The following CNGA1 variants were observed in gnomAD, a reference collection of about 807,000 sequenced individuals.
CNGA1 encodes cyclic nucleotide gated channel subunit alpha 1.
In CNGA1, 53 loss-of-function variants were observed where a neutral mutation model predicts 69.7. The ratio of observed to expected loss-of-function variants is 0.76; its 90% CI spans 0.61 to 0.96. CNGA1 has a LOEUF of 0.96. Among genes scored for constraint, CNGA1 ranks in the 40% least tolerant of loss-of-function variants. The pLI is 0.00. For synonymous variants in CNGA1, 249 were observed against 283.5 expected (o/e 0.88, Z 1.22); for missense variants, 739 against 811.2 (o/e 0.91, Z 1.08).
At chr4:47,968,325 GT>G (rs1429335011) in intron 3 of CNGA1, among the ~76,000 whole-genome samples, 4 of 152,028 alleles carry the variant, frequency 2.6e-5, no homozygotes, top group African/African-American at 7.3e-5. Flanking sequence ...TTCTAGGGGA[GT>G]TTTTTTTAAT....
rs537686092 is a variant in CNGA1, at chr4:47,960,271, C to T, written c.-14-7568G>A. The stretch of plus-strand genomic sequence containing the variant: ...TAAAAGACCAACACCCCAAATGTCA[C>T]GCATGTCACTGGTGGGACAAAAGAT... On this transcript the variant is annotated intron_variant, in intron 3 of 10. Coordinates refer to ENST00000514170, the MANE Select transcript of CNGA1 (RefSeq NM_001379270.1). 3.3e-5 allele frequency among the ~76,000 whole-genome samples: 5 copies of T among 152,322 alleles called. No homozygotes were observed. In the East Asian group the frequency reaches 5.8e-4, roughly 18 times the overall value.
intron 2 of CNGA1, among the ~76,000 whole-genome samples, chr4:47,995,018 G>T (rs1482776778): frequency 2.0e-5 from 3 of 152,166 alleles, no homozygotes; most frequent in African/African-American, 2.4e-5. Context: ...ATCCCTTCTA[G>T]CTTGTACAGT....
intron 2 of CNGA1, among the ~76,000 whole-genome samples, chr4:47,995,191 TC>T (rs144193978): frequency 0.53 from 79,764 of 151,860 alleles, 22,969 homozygotes; most frequent in Non-Finnish European, 0.64. Context: ...TCCTAGGTGT[TC>T]TTTGTGCTTC....
At chr4:48,008,553 A>G (rs1267833305) in intron 2 of CNGA1, among the ~76,000 whole-genome samples, 36 of 152,218 alleles carry the variant, frequency 2.4e-4, no homozygotes, top group Admixed American at 2.4e-3. Flanking sequence ...AAATAATGAA[A>G]TATTTTAGTA....
intron 1 of CNGA1, among the ~76,000 whole-genome samples, 191 bp downstream of exon 1, chr4:48,016,292 C>T (rs1327066187): frequency 6.6e-6 from 1 of 152,114 alleles, no homozygotes; most frequent in African/African-American, 2.4e-5. Flanking sequence ...TGCTCAGCAG[C>T]CCCCAAAATA....
intron 1 of CNGA1, among the ~76,000 whole-genome samples, chr4:48,012,372 G>GA (rs1204362523): frequency 6.6e-6 from 1 of 151,538 alleles, no homozygotes; most frequent in African/African-American, 2.4e-5. Flanking sequence ...GTTTTGGTAG[G>GA]AAAAAAAACA....
At chr4:47,983,688 C>G (rs1424635817) in intron 2 of CNGA1, among the ~76,000 whole-genome samples, 1 of 152,156 alleles carries the variant, frequency 6.6e-6, no homozygotes, top group Non-Finnish European at 1.5e-5. Flanking sequence ...AAGTCTATCT[C>G]TATGAAATTA....
chr4:47,986,904 T>C (rs926892094), intron 2 of CNGA1, among the ~76,000 whole-genome samples: 1 of 152,184 alleles, frequency 6.6e-6, no homozygotes, highest in African/African-American at 2.4e-5. Flanking sequence ...AGTTGGAATT[T>C]CATGTGCATA....
rs529390614 is a variant in CNGA1 at position 47,959,333 on chromosome 4, A to T, written c.-14-6630T>A. ...GACCACCAAAAATATATCAGATTTAATTAGTCCCACTAATTCCATGTTCAC... is the reference window on the plus strand; with the variant it reads ...GACCACCAAAAATATATCAGATTTATTTAGTCCCACTAATTCCATGTTCAC... On this transcript the variant is annotated intron_variant, in intron 3 of 10. Coordinates refer to ENST00000514170, the MANE Select transcript of CNGA1 (RefSeq NM_001379270.1). 1.1e-3 allele frequency among the ~76,000 whole-genome samples: 167 copies of T among 152,350 alleles called. 1 individual carries two copies. Among genetic ancestry groups the T allele is most frequent in the African/African-American group, 3.9e-3 (161 of 41,594 alleles).
At chr4:47,971,369 A>G (rs1172417862) in intron 3 of CNGA1, among the ~76,000 whole-genome samples, 2 of 152,078 alleles carry the variant, frequency 1.3e-5, no homozygotes, top group African/African-American at 2.4e-5. Flanking sequence ...ATGTAAATTA[A>G]TTACTTAGTG....
At chr4:47,993,486 A>G (rs1742363167) in intron 2 of CNGA1, among the ~76,000 whole-genome samples, 1 of 152,164 alleles carries the variant, frequency 6.6e-6, no homozygotes, top group South Asian at 2.1e-4. Flanking sequence ...AGGCGTTCAT[A>G]GTAGCCTCGA....
chr4:47,980,501 G>GTC (rs112426533), intron 3 of CNGA1, among the ~76,000 whole-genome samples: 42 of 126,784 alleles, frequency 3.3e-4, no homozygotes, highest in African/African-American at 9.6e-4. Context: ...TTGATACAGC[G>GTC]TCTCTCTCTT....
Position 48,016,522 on chromosome 4 carries a change from T to A in CNGA1, c.-262A>T. ...CGCTCCGAGAGACGCTGTTGCTCTA[T>A]GAGGCGTGTCTGTGTTTCTCTAGTT... On this transcript the variant is annotated 5_prime_UTR_variant, in exon 1 of 11. Transcript: ENST00000514170. 2.3e-6 allele frequency: 1 copy of A among 427,692 alleles called. No individual in the cohort carries two copies. The highest frequency in any genetic ancestry group is 4.4e-5 in the East Asian group (1 of 22,620). 26.5% of individuals were successfully genotyped at this position (427,692 alleles called of 1,614,324 possible).
At position 47,936,976 on chromosome 4, in the gene CNGA1, A is replaced by T. The variant is rs1160651707; in HGVS notation, c.1506T>A (p.Ile502=). The change falls in exon 11 of 11, where the codon ATT becomes ATA. Residue 502 remains isoleucine (I), a synonymous_variant. Coordinates refer to ENST00000514170, the MANE Select transcript of CNGA1 (RefSeq NM_001379270.1). The part of the protein sequence containing the change: ...QPQVYSPGDY[I]CKKGDIGREM... ...CTCGTCCGATATCCCCTTTCTTGCA[A>T]ATATAATCTCCAGGACTGTAGACTT... is the stretch of plus-strand genomic sequence containing the variant. 6.2e-7 allele frequency: 1 copy of T among 1,613,894 alleles called. No individual in the cohort carries two copies. The highest frequency in any genetic ancestry group is 2.2e-5 in the East Asian group (1 of 44,880).
At chr4:47,948,865 A>G (rs1739578635) in intron 6 of CNGA1, among the ~76,000 whole-genome samples, 1 of 152,164 alleles carries the variant, frequency 6.6e-6, no homozygotes, top group Admixed American at 6.5e-5. Context: ...AGTCATCTAG[A>G]CCAGCAGATG....
In CNGA1 at chr4:47,942,079, T is replaced by C; in HGVS notation, c.507A>G (p.Thr169=). 2 of 1,613,090 alleles carry C rather than the reference T, an allele frequency of 1.2e-6. No individual in the cohort carries two copies. The highest frequency in any genetic ancestry group is 1.7e-6 in the Non-Finnish European group (2 of 1,179,548). ...TTGTCCAGTTGTACATAACAGGTAA[T>C]GTGATGCAAAACAGCCAGTTGTAAT... is the stretch of plus-strand genomic sequence containing the variant. The part of the protein sequence containing the change: ...NTYYNWLFCI[T]LPVMYNWTMV... Residue 169 remains threonine (T), a synonymous_variant, in exon 9 of 11, where the codon ACA becomes ACG. Coordinates refer to ENST00000514170, the MANE Select transcript of CNGA1 (RefSeq NM_001379270.1).
intron 6 of CNGA1, among the ~76,000 whole-genome samples, chr4:47,946,096 C>T (rs2110147789): frequency 6.6e-6 from 1 of 152,264 alleles, no homozygotes; most frequent in South Asian, 2.1e-4. Flanking sequence ...AAGCTGCTTC[C>T]CACCTTCTGG....
Position 47,937,323 on chromosome 4 carries a change from T to C in CNGA1, c.1159A>G (p.Thr387Ala), listed in dbSNP as rs1249722048. 8.7e-6 allele frequency: 14 copies of C among 1,613,922 alleles called. No homozygotes were observed. Among genetic ancestry groups the C allele is most frequent in the East Asian group, 6.7e-5 (3 of 44,900 alleles). ...DFLIGVLIFA[T>A]IVGNIGSMIS... ...ATAGAACCTATGTTACCAACGATGG[T>C]AGCAAAAATTAACACTCCAATTAGG... Residue 387 changes from threonine to alanine, a missense_variant, in exon 11 of 11, where the codon ACC becomes GCC. Thr to Ala is a moderately conservative substitution (Grantham distance 58, BLOSUM62 0). Coordinates refer to ENST00000514170, the MANE Select transcript of CNGA1 (RefSeq NM_001379270.1).
intron 1 of CNGA1, among the ~76,000 whole-genome samples, chr4:48,016,125 C>A (rs1715363700): frequency 6.6e-6 from 1 of 152,168 alleles, no homozygotes; most frequent in African/African-American, 2.4e-5. Context: ...TTTGGCATTG[C>A]TTTTCCCTTA....
Sources: allele counts gnomAD v4.1 joint callset (sites outside exome capture counted in the v4.1 genomes callset), GRCh38; gene constraint gnomAD v4.1.1; transcripts MANE v1.5; gene names NCBI Gene and HGNC (gene_info 2026-07-23, HGNC 2026-07-21).